Variants in NCALD observed in about 807,000 individuals in gnomAD.
The protein encoded by NCALD is neurocalcin delta.
A neutral mutation model predicts 18.6 loss-of-function variants in NCALD; 10 were observed. The observed-to-expected ratio is 0.54, with a 90% CI of 0.33 to 0.91. The LOEUF (loss-of-function observed/expected upper bound fraction) is 0.91. Ranked by LOEUF, NCALD falls within the 40% of genes least tolerant of loss-of-function variation. The pLI, the probability that NCALD is intolerant of heterozygous loss-of-function variation, is 0.03. For missense variants in NCALD, 184 were observed against 247.6 expected (o/e 0.74, Z 1.72); for synonymous variants, 88 against 87.4 (o/e 1.01, Z -0.04).
intron 4 of NCALD, among the ~76,000 whole-genome samples, chr8:101,812,222 G>A (rs1240140562): frequency 6.6e-6 from 1 of 152,106 alleles, no homozygotes; most frequent in Non-Finnish European, 1.5e-5. Flanking sequence ...GAGACTCAGG[G>A]ATAAAATCCA....
At chr8:101,909,536 G>A (rs1419635290) in intron 3 of NCALD, among the ~76,000 whole-genome samples, 1 of 152,084 alleles carries the variant, frequency 6.6e-6, no homozygotes, top group African/African-American at 2.4e-5. Flanking sequence ...TTTACTATAT[G>A]CCAAGAATTG....
intron 3 of NCALD, among the ~76,000 whole-genome samples, chr8:101,912,869 G>T (rs988107941): frequency 6.6e-6 from 1 of 152,198 alleles, no homozygotes; most frequent in Non-Finnish European, 1.5e-5. Context: ...GTCTTAGCAG[G>T]CTGCAATGGG....
At chr8:101,936,942 C>T (rs1239847294) in intron 2 of NCALD, among the ~76,000 whole-genome samples, 1 of 152,042 alleles carries the variant, frequency 6.6e-6, no homozygotes, top group Non-Finnish European at 1.5e-5. Context: ...TTAATTTTTT[C>T]CTCTTAATTC....
chr8:101,881,130 T>C (rs1816479237), intron 4 of NCALD, among the ~76,000 whole-genome samples: 1 of 152,030 alleles, frequency 6.6e-6, no homozygotes, highest in Admixed American at 6.5e-5. Flanking sequence ...TTCACTTTCA[T>C]AAAACCACCT....
At chr8:101,692,177 G>A in intron 3 of NCALD, 1 of 985,402 alleles carries the variant, frequency 1.0e-6, no homozygotes, top group South Asian at 4.7e-5. Flanking sequence ...CTGTTCTTAA[G>A]TTGGAAATGC....
intron 1 of NCALD, among the ~76,000 whole-genome samples, chr8:102,052,767 C>T (rs532405701): frequency 6.6e-6 from 1 of 152,330 alleles, no homozygotes; most frequent in South Asian, 2.1e-4. Flanking sequence ...GTTGAAATTA[C>T]TCAGCTCTGC....
chr8:101,857,895 G>A (rs564241105), intron 4 of NCALD, among the ~76,000 whole-genome samples: 2 of 152,244 alleles, frequency 1.3e-5, no homozygotes, highest in South Asian at 4.1e-4. Flanking sequence ...ATAGCAATGA[G>A]ATATAAAATA....
chr8:101,811,807 C>T (rs1813315577), intron 4 of NCALD, among the ~76,000 whole-genome samples: 1 of 152,104 alleles, frequency 6.6e-6, no homozygotes, highest in Non-Finnish European at 1.5e-5. Flanking sequence ...GCCTAGTTGG[C>T]TTTTGGTAGT....
intron 4 of NCALD, among the ~76,000 whole-genome samples, chr8:101,874,038 G>C (rs1351099367): frequency 2.0e-5 from 3 of 152,150 alleles, no homozygotes; most frequent in African/African-American, 4.8e-5. Flanking sequence ...CCTCAAACAT[G>C]ATTCCTTCTA....
At chr8:101,811,772 A>C (rs1047007793) in intron 4 of NCALD, among the ~76,000 whole-genome samples, 1 of 152,186 alleles carries the variant, frequency 6.6e-6, no homozygotes. Flanking sequence ...GGTCTTCACA[A>C]CAGGCCTCCC....
intron 2 of NCALD, among the ~76,000 whole-genome samples, chr8:101,708,922 G>C (rs1041381603): frequency 6.6e-6 from 1 of 152,114 alleles, no homozygotes; most frequent in Non-Finnish European, 1.5e-5. Context: ...ATAAGGAAAC[G>C]GGAAATTTTA....
At chr8:101,783,352 G>C (rs1208507566) in intron 1 of NCALD, among the ~76,000 whole-genome samples, 1 of 152,172 alleles carries the variant, frequency 6.6e-6, no homozygotes, top group African/African-American at 2.4e-5. Flanking sequence ...GATTTCAAAT[G>C]CTAGATTTGA....
intron 2 of NCALD, among the ~76,000 whole-genome samples, chr8:101,922,808 C>T (rs889062822): frequency 6.6e-6 from 1 of 152,092 alleles, no homozygotes; most frequent in Admixed American, 6.5e-5. Context: ...TACATACATA[C>T]CTATGATAAG....
Position 101,738,564 on chromosome 8 carries a change from A to G in NCALD, c.-19-18916T>C, listed in dbSNP as rs1208178134. ...CATCTCAAAAAAACAAAAAAAAAAA[A>G]AAAAAAAAGAAGAAGAAGAAGAAAA... On this transcript the variant is annotated intron_variant, in intron 1 of 3. Coordinates refer to ENST00000220931, the MANE Select transcript of NCALD (RefSeq NM_032041.3). 6.6e-5 allele frequency among the ~76,000 whole-genome samples: 10 copies of G among 151,898 alleles called. 1 individual carries two copies. The South Asian group carries it at 2.1e-3, about 32-fold the overall frequency.
intron 1 of NCALD, chr8:102,124,149 C>CA (rs1826036424): frequency 6.6e-6 from 1 of 151,988 alleles, no homozygotes; most frequent in Non-Finnish European, 1.5e-5. Context: ...GGGTCCCCCC[C>CA]AGCAGCCGCC....
At chr8:101,974,841 G>A (rs1165483600) in intron 2 of NCALD, among the ~76,000 whole-genome samples, 1 of 152,132 alleles carries the variant, frequency 6.6e-6, no homozygotes, top group Non-Finnish European at 1.5e-5. Flanking sequence ...GACAGGAAAT[G>A]GAAAAATAGC....
At chr8:101,765,602 T>C (rs1375946593) in intron 1 of NCALD, among the ~76,000 whole-genome samples, 1 of 152,202 alleles carries the variant, frequency 6.6e-6, no homozygotes, top group Admixed American at 6.5e-5. Context: ...ATCTAGCTTA[T>C]GGGGACTCCT....
intron 1 of NCALD, among the ~76,000 whole-genome samples, chr8:101,745,370 G>A (rs1810385750): frequency 1.3e-5 from 2 of 152,112 alleles, no homozygotes; most frequent in Admixed American, 1.3e-4. Context: ...CTGAGATGTA[G>A]GGGGAGAAAA....
chr8:101,909,969 C>G (rs1462620569), intron 3 of NCALD, among the ~76,000 whole-genome samples: 2 of 152,142 alleles, frequency 1.3e-5, no homozygotes, highest in African/African-American at 4.8e-5. Context: ...CCACTATTGC[C>G]TATCATGGTG....
Sources: allele counts gnomAD v4.1 joint callset (sites outside exome capture counted in the v4.1 genomes callset), GRCh38; gene constraint gnomAD v4.1.1; transcripts MANE v1.5; gene names NCBI Gene and HGNC (gene_info 2026-07-23, HGNC 2026-07-21).